TICRR: variants seen among roughly 807,000 people sequenced by gnomAD.
TICRR encodes the protein treslin.
Under a neutral mutation model 178.1 loss-of-function variants are expected in TICRR, and 132 were observed. That is an observed-to-expected ratio of 0.74 (90% CI 0.64 to 0.86). TICRR has a LOEUF of 0.86. Ranked by LOEUF, TICRR falls within the 40% of genes least tolerant of loss-of-function variation. TICRR has a pLI of 0.00. For synonymous variants in TICRR, 991 were observed against 900.7 expected, an observed-to-expected ratio of 1.10 and a Z score of -1.79; for missense variants, 2,587 against 2,334.3, an observed-to-expected ratio of 1.11 and a Z score of -2.23.
Position 89,592,155 on chromosome 15 carries a change from C to G in TICRR, c.1520C>G (p.Ser507Cys), listed in dbSNP as rs748635796. Reference protein sequence around the residue: ...FPFCNISGASSDLMESFGLLQ... With the variant: ...FPFCNISGASCDLMESFGLLQ... ...TTCTGTAACATCAGTGGTGCCAGTT[C>G]CGATTTGATGGAGTCATTTGGGTAA... The change falls in exon 5 of 22, where the codon TCC (serine) becomes TGC (cysteine). Residue 507 changes from serine (S) to cysteine (C), a missense_variant. Ser to Cys is a moderately radical substitution (Grantham distance 112, BLOSUM62 -1). Coordinates refer to ENST00000268138, the MANE Select transcript of TICRR (RefSeq NM_152259.4). 1 of 1,611,488 alleles carries G rather than the reference C, an allele frequency of 6.2e-7. No homozygotes were observed. Among genetic ancestry groups the G allele is most frequent in the Admixed American group, 1.7e-5 (1 of 60,000 alleles).
rs759307960 is a variant in TICRR at position 89,624,353 on chromosome 15, G to T, written c.4043G>T (p.Ser1348Ile). Residue 1348 changes from serine to isoleucine, a missense_variant, in exon 20 of 22, where the codon AGC becomes ATC. Transcript: ENST00000268138. ...CAGAAAGAGCCCCAGATGTCACCCAGCGTAGCTGCATCTCTCTCCTGCCCT... is the reference window on the plus strand; with the variant it reads ...CAGAAAGAGCCCCAGATGTCACCCATCGTAGCTGCATCTCTCTCCTGCCCT... The part of the protein sequence containing the change: ...LDQKEPQMSP[S>I]VAASLSCPVP... 4.0e-5 allele frequency: 64 copies of T among 1,614,000 alleles called. No individual in the cohort carries two copies. In the Admixed American group the frequency reaches 1.1e-3, roughly 27 times the overall value.
At chr15:89,589,197 T>G (rs1262670020) in intron 4 of TICRR, among the ~76,000 whole-genome samples, 1 of 152,034 alleles carries the variant, frequency 6.6e-6, no homozygotes, top group Non-Finnish European at 1.5e-5. Flanking sequence ...GTGGGCAGAC[T>G]GGAGTGACCT....
intron 15 of TICRR, among the ~76,000 whole-genome samples, chr15:89,611,811 T>A (rs1037154717): frequency 6.6e-6 from 1 of 152,204 alleles, no homozygotes; most frequent in Non-Finnish European, 1.5e-5. Flanking sequence ...TACTGGATTC[T>A]TTTTTATCAT....
rs76162535 is a variant in TICRR at position 89,625,969 on chromosome 15, G to C, written c.5510G>C (p.Ser1837Thr). The C allele has an allele frequency of 9.6e-4, 1,543 of 1,601,356 alleles. 10 individuals carry two copies. In the African/African-American group the frequency reaches 0.019, roughly 19 times the overall value. The change falls in exon 21 of 22, where the codon AGC (serine) becomes ACC (threonine). Residue 1837 changes from serine to threonine, a missense_variant. Physicochemically the swap from Ser to Thr is moderately conservative, Grantham distance 58. Coordinates refer to ENST00000268138, the MANE Select transcript of TICRR (RefSeq NM_152259.4). Reference sequence around the variant, plus strand: ...CCACCTCCCAGCTGTGCCGTGCGGAGCTGCCTCTCTGCCAGTGCCCTCCAG... The same window carrying C: ...CCACCTCCCAGCTGTGCCGTGCGGACCTGCCTCTCTGCCAGTGCCCTCCAG... ...STPPPSCAVRSCLSASALQAL... is the reference protein window; with the variant it reads ...STPPPSCAVRTCLSASALQAL...
At chr15:89,596,693 T>C (rs760486265) in intron 7 of TICRR, among the ~76,000 whole-genome samples, 6 of 152,172 alleles carry the variant, frequency 3.9e-5, no homozygotes, top group Non-Finnish European at 8.8e-5. Flanking sequence ...TTGATTGCTG[T>C]TGTTGCTTTG....
chr15:89,614,025 G>A (rs1405843091), intron 15 of TICRR, among the ~76,000 whole-genome samples: 3 of 151,952 alleles, frequency 2.0e-5, no homozygotes, highest in African/African-American at 7.3e-5. Flanking sequence ...GTGGTGGCGG[G>A]CGCCTGTAGT....
intron 1 of TICRR, among the ~76,000 whole-genome samples, chr15:89,577,951 G>GA (rs1192969566): frequency 6.6e-6 from 1 of 152,008 alleles, no homozygotes; most frequent in African/African-American, 2.4e-5. Flanking sequence ...GGTGAAGGAG[G>GA]AGGAACTCAA....
In TICRR at chr15:89,625,180, C is replaced by T; in HGVS notation, c.4870C>T (p.Pro1624Ser). The stretch of plus-strand genomic sequence containing the variant: ...CAAACCTGAACCCACCTATGTGTCA[C>T]CCCCCTGCCCCCGCCTCTCCCACAG... Reference protein sequence around the residue: ...LSKPEPTYVSPPCPRLSHSTP... With the variant: ...LSKPEPTYVSSPCPRLSHSTP... The change falls in exon 20 of 22, where the codon CCC becomes TCC. Residue 1624 changes from proline (P) to serine (S), a missense_variant. Pro to Ser is a moderately conservative substitution (Grantham distance 74, BLOSUM62 -1). Transcript: ENST00000268138. 1.2e-6 allele frequency: 2 copies of T among 1,613,444 alleles called. No individual in the cohort carries two copies. Among genetic ancestry groups the T allele is most frequent in the Non-Finnish European group, 1.7e-6 (2 of 1,179,842 alleles).
At position 89,576,026 on chromosome 15, in the gene TICRR, T is replaced by C. The variant is rs756871034; in HGVS notation, c.440T>C (p.Leu147Pro). 7 of 1,609,654 alleles carry C rather than the reference T, an allele frequency of 4.3e-6. No homozygotes were observed. The highest frequency in any genetic ancestry group is 3.3e-4 in the Middle Eastern group (2 of 6,056). ...GAGGCCAAGGAGGCCGAGGCCGCGC[T>C]CGGGGGCTTGGTGAACGCCGTCTTC... ...ESEAKEAEAA[L>P]GGLVNAVFLL... Residue 147 changes from leucine (L) to proline (P), a missense_variant, in exon 1 of 22, where the codon CTC becomes CCC. Coordinates refer to ENST00000268138, the MANE Select transcript of TICRR (RefSeq NM_152259.4).
intron 21 of TICRR, 78 bp from the exon 22 acceptor site, chr15:89,626,878 C>T (rs940776537): frequency 8.6e-6 from 13 of 1,505,748 alleles, no homozygotes; most frequent in Non-Finnish European, 1.2e-5. Context: ...TGTGTGTAAC[C>T]CTCTGCAATT....
Position 89,624,651 on chromosome 15 carries a change from T to C in TICRR, c.4341T>C (p.Ser1447=), listed in dbSNP as rs765602539. Residue 1447 remains serine, a synonymous_variant, in exon 20 of 22, where the codon AGT becomes AGC. Transcript: ENST00000268138. ...RRGYPGPGLR[S]DWHASSPLLI... ...GCTACCCAGGCCCTGGTCTCAGGAG[T>C]GATTGGCATGCATCCTCTCCTCTGC... 2 of 1,613,776 alleles carry C rather than the reference T, an allele frequency of 1.2e-6. No individual in the cohort carries two copies. The highest frequency in any genetic ancestry group is 1.7e-6 in the Non-Finnish European group (2 of 1,180,014).
rs1258984120 is a variant in TICRR at position 89,576,229 on chromosome 15, G to A, written c.643G>A (p.Glu215Lys). Residue 215 changes from glutamate to lysine, a missense_variant, in exon 1 of 22, where the codon GAA (glutamate) becomes AAA (lysine). Coordinates refer to ENST00000268138, the MANE Select transcript of TICRR (RefSeq NM_152259.4). Reference protein sequence around the residue: ...KITFYWVDTTEWSKLWESPDH... With the variant: ...KITFYWVDTTKWSKLWESPDH... ...CACCTTCTACTGGGTGGATACCACC[G>A]AATGGTCTAAGGTAAGGAAGGTTAC... 4.4e-6 allele frequency: 7 copies of A among 1,579,650 alleles called. No homozygotes were observed. The highest frequency in any genetic ancestry group is 6.0e-6 in the Non-Finnish European group (7 of 1,169,146).
At position 89,584,292 on chromosome 15, in the gene TICRR, A is replaced by C. The variant is rs201586463; in HGVS notation, c.941A>C (p.Lys314Thr). Residue 314 changes from lysine to threonine, a missense_variant, in exon 3 of 22, where the codon AAA (lysine) becomes ACA (threonine). Lys to Thr is a moderately conservative substitution (Grantham distance 78, BLOSUM62 -1). Transcript: ENST00000268138. Reference sequence around the variant, plus strand: ...AATTAATCTTTATTTCTAGCAGGCAAAGAGATTCAAGAAACATGGACAGTC... The same window carrying C: ...AATTAATCTTTATTTCTAGCAGGCACAGAGATTCAAGAAACATGGACAGTC... ...GMLFLPVEAG[K>T]EIQETWTVTL... The C allele has an allele frequency of 6.2e-7, 1 of 1,600,462 alleles. No individual in the cohort carries two copies. Among genetic ancestry groups the C allele is most frequent in the Non-Finnish European group, 8.5e-7 (1 of 1,173,834 alleles).
intron 1 of TICRR, among the ~76,000 whole-genome samples, chr15:89,581,215 T>C (rs62023109): frequency 0.054 from 7,264 of 135,468 alleles, 220 homozygotes; most frequent in East Asian, 0.11. Flanking sequence ...ATTCCTAACA[T>C]TCACATAGCA....
At chr15:89,621,899 T>G (rs1046664736) in intron 19 of TICRR, among the ~76,000 whole-genome samples, 1 of 151,746 alleles carries the variant, frequency 6.6e-6, no homozygotes, top group African/African-American at 2.4e-5. Context: ...TCACCAACAT[T>G]AGAAACCTGG....
At chr15:89,622,002 T>TTTG (rs1167474549) in intron 19 of TICRR, among the ~76,000 whole-genome samples, 10 of 149,888 alleles carry the variant, frequency 6.7e-5, no homozygotes, top group Non-Finnish European at 1.2e-4. Context: ...TTTTTTTTTT[T>TTTG]TGGAGACAGA....
chr15:89,582,977 ATAT>A lies in TICRR; in HGVS notation c.934+14_934+16del. 6.3e-7 allele frequency: 1 copy of A among 1,582,832 alleles called. No homozygotes were observed. Among genetic ancestry groups the A allele is most frequent in the Admixed American group, 1.9e-5 (1 of 52,394 alleles). ...TCTCCCTGTTGAAGGTAAGCAAATAATATTTTAAGGTTTTTTTTTTTTTAAATC... is the reference window on the plus strand; with the variant it reads ...TCTCCCTGTTGAAGGTAAGCAAATAATTTAAGGTTTTTTTTTTTTTAAATC... On this transcript the variant is annotated intron_variant, in intron 2 of 21. Coordinates refer to ENST00000268138, the MANE Select transcript of TICRR (RefSeq NM_152259.4).
rs183135245 is a variant in TICRR, at chr15:89,576,457, C to G, written c.654+217C>G. ...AGACCCCTCACAATTTGGGCCCTAC[C>G]TGCCTTCCCAGACTTGATTTTCCTA... On this transcript the variant is annotated intron_variant, in intron 1 of 21. Transcript: ENST00000268138. Among the ~76,000 whole-genome samples, 37 of 152,226 alleles carry G rather than the reference C, an allele frequency of 2.4e-4. 1 individual carries two copies. In the East Asian group the frequency reaches 6.8e-3, roughly 28 times the overall value.
In TICRR at chr15:89,601,933, G is replaced by C; in HGVS notation, c.2524G>C (p.Asp842His). The C allele has an allele frequency of 6.2e-7, 1 of 1,614,146 alleles. No homozygotes were observed. Among genetic ancestry groups the C allele is most frequent in the Non-Finnish European group, 8.5e-7 (1 of 1,180,024 alleles). ...ATCAGTGTCAGGCAGCCCTGAATCT[G>C]ATGAACTGCAGGAACTTCGTACCAG... is the stretch of plus-strand genomic sequence containing the variant. ...RRSVSGSPES[D>H]ELQELRTRSA... The change falls in exon 12 of 22, where the codon GAT (aspartate) becomes CAT (histidine). Residue 842 changes from aspartate (D) to histidine (H), a missense_variant. Physicochemically the swap from Asp to His is moderately conservative, Grantham distance 81 (BLOSUM62 -1). Transcript: ENST00000268138.
Sources: allele counts gnomAD v4.1 joint callset (sites outside exome capture counted in the v4.1 genomes callset), GRCh38; gene constraint gnomAD v4.1.1; transcripts MANE v1.5; gene names NCBI Gene and HGNC (gene_info 2026-07-23, HGNC 2026-07-21).